The following TMEM163 variants were observed in gnomAD, a reference collection of about 807,000 sequenced individuals.
TMEM163 encodes the protein transmembrane protein 163.
Under a neutral mutation model 29.3 loss-of-function variants are expected in TMEM163, and 17 were observed. The ratio of observed to expected loss-of-function variants is 0.58; its 90% CI spans 0.40 to 0.87. The LOEUF (loss-of-function observed/expected upper bound fraction) is 0.87, where lower values mean the gene tolerates loss of function less well. TMEM163 is among the 40% of genes least tolerant of loss of function. TMEM163 has a pLI of 0.00. For missense variants in TMEM163, 303 were observed against 381.5 expected, an observed-to-expected ratio of 0.79 and a Z score of 1.71; for synonymous variants, 157 against 160.6, an observed-to-expected ratio of 0.98 and a Z score of 0.17.
chr2:134,593,672 T>C (rs115421173), intron 2 of TMEM163, among the ~76,000 whole-genome samples: 6,551 of 152,146 alleles, frequency 0.043, 221 homozygotes, highest in Admixed American at 0.09. Flanking sequence ...AGCCGAGTCT[T>C]GAAACGGCTT....
In TMEM163 at chr2:134,487,038, A is replaced by G. The variant is rs1415883965; in HGVS notation, c.555+15863T>C. On this transcript the variant is annotated intron_variant, in intron 5 of 7. Coordinates refer to ENST00000281924, the MANE Select transcript of TMEM163 (RefSeq NM_030923.5). ...ACCTCTTAGCAAACAGCAACAAACC[A>G]CTTTTGGTAATGAAATTGAGAAGCC... Among the ~76,000 whole-genome samples, 8 of 152,306 alleles carry G rather than the reference A, an allele frequency of 5.3e-5. 1 individual carries two copies. The highest frequency in any genetic ancestry group is 1.9e-4 in the African/African-American group (8 of 41,576).
At position 134,456,441 on chromosome 2, in the gene TMEM163, A is replaced by G. The variant is rs1686395814; in HGVS notation, c.*275T>C. The G allele has an allele frequency of 2.1e-6, 1 of 468,560 alleles. No individual in the cohort carries two copies. Among genetic ancestry groups the G allele is most frequent in the Non-Finnish European group, 3.9e-6 (1 of 256,802 alleles). 29.0% of individuals were successfully genotyped at this position (468,560 alleles called of 1,614,324 possible). On this transcript the variant is annotated 3_prime_UTR_variant, in exon 8 of 8. Coordinates refer to ENST00000281924, the MANE Select transcript of TMEM163 (RefSeq NM_030923.5). ...TGCCAAAGATCTCATCCTACCCATGAGAACCATCATACTCCAGAGACTAAA... is the reference window on the plus strand; with the variant it reads ...TGCCAAAGATCTCATCCTACCCATGGGAACCATCATACTCCAGAGACTAAA...
At chr2:134,551,222 T>C (rs1270151667) in intron 3 of TMEM163, among the ~76,000 whole-genome samples, 1 of 151,838 alleles carries the variant, frequency 6.6e-6, no homozygotes, top group East Asian at 1.9e-4. Flanking sequence ...GTTTGTGTGT[T>C]TCTGGGTGTG....
intron 4 of TMEM163, among the ~76,000 whole-genome samples, chr2:134,535,910 A>G (rs1680531438): frequency 6.6e-6 from 1 of 151,920 alleles, no homozygotes; most frequent in Non-Finnish European, 1.5e-5. Flanking sequence ...TTTAGTAGAG[A>G]CAGGGTTTCG....
At chr2:134,646,601 T>C (rs1347641682) in intron 2 of TMEM163, among the ~76,000 whole-genome samples, 1 of 152,064 alleles carries the variant, frequency 6.6e-6, no homozygotes, top group Non-Finnish European at 1.5e-5. Context: ...TGCATCACCA[T>C]GCCCAGCTAA....
chr2:134,655,786 G>A (rs1683589737), intron 2 of TMEM163, among the ~76,000 whole-genome samples: 1 of 141,960 alleles, frequency 7.0e-6, no homozygotes, highest in Non-Finnish European at 1.5e-5. Flanking sequence ...CTCAGCTGCA[G>A]GTCTGTTGGA....
At chr2:134,695,803 G>A (rs1016572290) in intron 2 of TMEM163, among the ~76,000 whole-genome samples, 2 of 152,126 alleles carry the variant, frequency 1.3e-5, no homozygotes, top group Admixed American at 6.6e-5. Flanking sequence ...GCTCATGCCT[G>A]TAATTGGGAA....
At chr2:134,498,852 C>T (rs2106485661) in intron 5 of TMEM163, among the ~76,000 whole-genome samples, 1 of 152,308 alleles carries the variant, frequency 6.6e-6, no homozygotes, top group Admixed American at 6.5e-5. Flanking sequence ...AGGCCGGAGC[C>T]AAAAAGCCAA....
At chr2:134,552,395 C>G (rs1480648830) in intron 2 of TMEM163, among the ~76,000 whole-genome samples, 1 of 152,126 alleles carries the variant, frequency 6.6e-6, no homozygotes, top group African/African-American at 2.4e-5. Context: ...AATTTAGCAA[C>G]TGGGAACTAT....
At position 134,466,214 on chromosome 2, in the gene TMEM163, C is replaced by T; in HGVS notation, c.567G>A (p.Leu189=). The T allele has an allele frequency of 1.2e-6, 2 of 1,613,480 alleles. No homozygotes were observed. Among genetic ancestry groups the T allele is most frequent in the Non-Finnish European group, 1.7e-6 (2 of 1,179,824 alleles). ...TCCCACTTAAAATGGAGACACTGAA[C>T]AGGAAATCGTCCTGCAAGAGAAAGT... ...TRLLPEVDDF[L]FSVSILSGIL... is the part of the protein sequence containing the mutation. The change falls in exon 6 of 8, where the codon CTG becomes CTA. Residue 189 remains leucine, a synonymous_variant. Coordinates refer to ENST00000281924, the MANE Select transcript of TMEM163 (RefSeq NM_030923.5).
In TMEM163 at chr2:134,494,072, C is replaced by T. The variant is rs144110626; in HGVS notation, c.555+8829G>A. 4.0e-3 allele frequency among the ~76,000 whole-genome samples: 616 copies of T among 152,264 alleles called. 7 individuals carry two copies. The highest frequency in any genetic ancestry group is 0.012 in the African/African-American group (519 of 41,554). Reference sequence around the variant, plus strand: ...CTGATGAAAAAGGATTGTTAACAGACAGAAGGGAGGGAGAGTGCCAACCCC... The same window carrying T: ...CTGATGAAAAAGGATTGTTAACAGATAGAAGGGAGGGAGAGTGCCAACCCC... On this transcript the variant is annotated intron_variant, in intron 5 of 7. Transcript: ENST00000281924.
chr2:134,709,296 C>A (rs1051778294), intron 2 of TMEM163, among the ~76,000 whole-genome samples: 3 of 152,166 alleles, frequency 2.0e-5, no homozygotes, highest in Admixed American at 6.5e-5. Flanking sequence ...AGATGTATTA[C>A]CATCTGGTTT....
intron 2 of TMEM163, among the ~76,000 whole-genome samples, chr2:134,625,765 C>T (rs1451841922): frequency 6.6e-6 from 1 of 152,190 alleles, no homozygotes; most frequent in Non-Finnish European, 1.5e-5. Context: ...TAAGCCTAAG[C>T]GTTTACAATC....
Position 134,532,770 on chromosome 2 carries a change from T to C in TMEM163, c.458+17800A>G, listed in dbSNP as rs1347205967. On this transcript the variant is annotated intron_variant, in intron 4 of 7. Transcript: ENST00000281924. ...GGGAATACTGCTGGCTTCATGTGCA[T>C]ATCAAATAGGTGAGCTTACCATTCC... Among the ~76,000 whole-genome samples the C allele has an allele frequency of 6.6e-5, 10 of 152,322 alleles. No individual in the cohort carries two copies. The East Asian group carries it at 1.5e-3, about 24-fold the overall frequency.
intron 4 of TMEM163, among the ~76,000 whole-genome samples, chr2:134,523,435 T>C (rs1251866787): frequency 7.9e-5 from 12 of 152,194 alleles, no homozygotes; most frequent in Admixed American, 3.3e-4. Context: ...TCAGAGATGA[T>C]TGGAAATGAG....
At chr2:134,706,156 T>C (rs1247028852) in intron 2 of TMEM163, among the ~76,000 whole-genome samples, 2 of 152,234 alleles carry the variant, frequency 1.3e-5, no homozygotes, top group Admixed American at 1.3e-4. Flanking sequence ...GGCAAGTCCC[T>C]GTCAATAGAA....
intron 2 of TMEM163, among the ~76,000 whole-genome samples, chr2:134,611,358 G>A (rs1262821868): frequency 1.3e-5 from 2 of 152,184 alleles, no homozygotes; most frequent in Non-Finnish European, 2.9e-5. Context: ...GGAATCACAG[G>A]ATAGAAGGAA....
At chr2:134,628,560 C>G (rs1407064623) in intron 2 of TMEM163, among the ~76,000 whole-genome samples, 1 of 152,252 alleles carries the variant, frequency 6.6e-6, no homozygotes, top group Non-Finnish European at 1.5e-5. Flanking sequence ...TACAAGCACT[C>G]TCTGCCTACA....
intron 2 of TMEM163, among the ~76,000 whole-genome samples, chr2:134,652,456 G>C (rs1189084249): frequency 1.1e-5 from 1 of 92,770 alleles, no homozygotes; most frequent in Non-Finnish European, 2.0e-5. Flanking sequence ...CTGAGACAAT[G>C]GGGTTTTCTA....
Sources: gnomAD v4.1 joint callset for allele counts (sites outside exome capture counted in the v4.1 genomes callset) on GRCh38, gnomAD v4.1.1 for gene constraint, MANE v1.5 for transcripts, NCBI Gene and HGNC (gene_info 2026-07-23, HGNC 2026-07-21) for gene names.